Variants in TLE4 observed in about 807,000 individuals in gnomAD.
TLE4 encodes the protein transducin-like enhancer protein 4.
Under a neutral mutation model 92.8 loss-of-function variants are expected in TLE4, and 8 were observed. The ratio of observed to expected loss-of-function variants is 0.09; its 90% CI spans 0.05 to 0.16. The LOEUF (loss-of-function observed/expected upper bound fraction) is 0.16, where lower values mean the gene tolerates loss of function less well. Ranked by LOEUF, TLE4 falls within the 10% of genes least tolerant of loss-of-function variation. The pLI is 1.00. For missense variants in TLE4, 675 were observed against 997.6 expected (o/e 0.68, Z 4.36); for synonymous variants, 371 against 374.1 (o/e 0.99, Z 0.10).
intron 14 of TLE4, among the ~76,000 whole-genome samples, chr9:79,711,744 C>T (rs2073343537): frequency 6.6e-6 from 1 of 152,192 alleles, no homozygotes; most frequent in Non-Finnish European, 1.5e-5. Flanking sequence ...GACTTCCCTT[C>T]ATCAGTTTTA....
In TLE4 at chr9:79,645,492, T is replaced by C. The variant is rs539324733; in HGVS notation, c.391-7101T>C. On this transcript the variant is annotated intron_variant, in intron 6 of 19. Transcript: ENST00000376552. ...TTGTCAGTCCCTTGTCATCAAGCAG[T>C]TGGGGACCTTTGATTACAAAGAACT... Among the ~76,000 whole-genome samples the C allele has an allele frequency of 2.0e-5, 3 of 152,296 alleles. No homozygotes were observed. The East Asian group carries it at 5.8e-4, about 29-fold the overall frequency.
In TLE4 at chr9:79,704,827, G is replaced by A. The variant is rs765715825; in HGVS notation, c.654G>A (p.Lys218=). 63 of 1,614,150 alleles carry A rather than the reference G, an allele frequency of 3.9e-5. No individual in the cohort carries two copies. In the East Asian group the frequency reaches 1.2e-3, roughly 31 times the overall value. ...SPSASFRGAE[K]HRNSADYSSE... Reference sequence around the variant, plus strand: ...CAGCCAGTTTCCGAGGTGCTGAGAAGCACAGAAACTCCGCAGACTACTCCT... The same window carrying A: ...CAGCCAGTTTCCGAGGTGCTGAGAAACACAGAAACTCCGCAGACTACTCCT... The change falls in exon 9 of 20, where the codon AAG becomes AAA. Residue 218 remains lysine, a synonymous_variant. Coordinates refer to ENST00000376552, the MANE Select transcript of TLE4 (RefSeq NM_007005.6).
intron 14 of TLE4, 53 bp from the exon 15 acceptor site, chr9:79,718,664 CAGTTA>C: frequency 6.4e-7 from 1 of 1,552,358 alleles, no homozygotes; most frequent in Non-Finnish European, 8.7e-7. Flanking sequence ...TTACACTGAA[CAGTTA>C]AGTGACATTT....
Position 79,704,901 on chromosome 9 carries a change from A to G in TLE4, c.728A>G (p.Tyr243Cys), listed in dbSNP as rs750692088. The change falls in exon 9 of 20, where the codon TAT (tyrosine) becomes TGT (cysteine). Residue 243 changes from tyrosine to cysteine, a missense_variant and splice_region_variant. Transcript: ENST00000376552. ...GAAGAAAAGGAAATTGCAGCTCGTT[A>G]TGTAAGTTCATTCACCTTTGTGTTA... Reference protein sequence around the residue: ...KTEEKEIAARYDSDGEKSDDN... With the variant: ...KTEEKEIAARCDSDGEKSDDN... The G allele has an allele frequency of 3.1e-6, 5 of 1,614,088 alleles. No homozygotes were observed. The highest frequency in any genetic ancestry group is 3.4e-6 in the Non-Finnish European group (4 of 1,179,992).
At chr9:79,627,669 C>T in intron 6 of TLE4, 1 of 559,482 alleles carries the variant, frequency 1.8e-6, no homozygotes, top group Non-Finnish European at 3.2e-6. Context: ...TGAAAACTCT[C>T]CTCTAAGGAG....
At chr9:79,635,821 T>A (rs979007045) in intron 6 of TLE4, among the ~76,000 whole-genome samples, 1 of 152,184 alleles carries the variant, frequency 6.6e-6, no homozygotes, top group African/African-American at 2.4e-5. Flanking sequence ...GTTCTTCCTG[T>A]TCTTCCTTGC....
chr9:79,690,227 T>C (rs1008933135), intron 8 of TLE4, among the ~76,000 whole-genome samples: 5 of 152,176 alleles, frequency 3.3e-5, no homozygotes, highest in Admixed American at 6.5e-5. Context: ...GTAATGCTAA[T>C]TCTTCCCAAG....
intron 9 of TLE4, among the ~76,000 whole-genome samples, chr9:79,705,369 G>T (rs908328108): frequency 6.6e-6 from 1 of 152,200 alleles, no homozygotes; most frequent in African/African-American, 2.4e-5. Context: ...TCCTTTAGTG[G>T]CTGGGCAGGT....
intron 8 of TLE4, among the ~76,000 whole-genome samples, chr9:79,662,721 G>A (rs1294124956): frequency 6.6e-6 from 1 of 152,056 alleles, no homozygotes; most frequent in Admixed American, 6.6e-5. Flanking sequence ...TCCTATTAAG[G>A]GGCCCCGGGT....
At chr9:79,661,224 A>G in intron 8 of TLE4, among the ~76,000 whole-genome samples, 1 of 152,206 alleles carries the variant, frequency 6.6e-6, no homozygotes, top group Middle Eastern at 3.2e-3. Context: ...ATCGTTCACC[A>G]TCTTTTTTTT....
chr9:79,572,661 G>T lies in TLE4; in HGVS notation c.-130G>T, dbSNP rs2036116805. ...CCGTGTCACGCGAGACCCGGCGGGGGCCGGGACCGCCCGAGCCGCCCCTCA... is the reference window on the plus strand; with the variant it reads ...CCGTGTCACGCGAGACCCGGCGGGGTCCGGGACCGCCCGAGCCGCCCCTCA... On this transcript the variant is annotated 5_prime_UTR_variant, in exon 1 of 20. Transcript: ENST00000376552. The T allele has an allele frequency of 1.3e-6, 1 of 772,238 alleles. No individual in the cohort carries two copies. 47.8% of individuals were successfully genotyped at this position (772,238 alleles called of 1,614,324 possible).
chr9:79,682,460 C>G (rs1340129368), intron 8 of TLE4, among the ~76,000 whole-genome samples: 1 of 152,134 alleles, frequency 6.6e-6, no homozygotes, highest in Non-Finnish European at 1.5e-5. Flanking sequence ...TACCTTATCT[C>G]TAACTCTCAT....
At chr9:79,654,634 T>C (rs1273501202) in intron 8 of TLE4, among the ~76,000 whole-genome samples, 1 of 152,184 alleles carries the variant, frequency 6.6e-6, no homozygotes, top group Non-Finnish European at 1.5e-5. Flanking sequence ...ATCTGTCTTA[T>C]CTGCCTTTTG....
At chr9:79,592,069 G>A (rs139550695) in intron 4 of TLE4, among the ~76,000 whole-genome samples, 10 of 152,050 alleles carry the variant, frequency 6.6e-5, no homozygotes, top group Non-Finnish European at 1.0e-4. Context: ...ACTATTTGAC[G>A]TTTGTAGGAG....
chr9:79,663,321 A>C (rs2060851505), intron 8 of TLE4: 1 of 152,214 alleles, frequency 6.6e-6, no homozygotes, highest in African/African-American at 2.4e-5. Context: ...TGGTGTAGCC[A>C]CTAGTCACAT....
rs1042932675 is a variant in TLE4 at position 79,572,288 on chromosome 9, C to G, written c.-503C>G. 2.0e-5 allele frequency: 3 copies of G among 152,138 alleles called. No homozygotes were observed. The highest frequency in any genetic ancestry group is 1.3e-4 in the Admixed American group (2 of 15,276). The allele number at this position is 152,138 out of a possible 1,614,324, so 9.4% of individuals were successfully genotyped here. Reference sequence around the variant, plus strand: ...AGAAACCAAAAAGCACCGCCGAGACCTCTTCCGAACCAAAGGAGTTTGTGT... The same window carrying G: ...AGAAACCAAAAAGCACCGCCGAGACGTCTTCCGAACCAAAGGAGTTTGTGT... On this transcript the variant is annotated 5_prime_UTR_variant, in exon 1 of 20. Transcript: ENST00000376552.
intron 5 of TLE4, among the ~76,000 whole-genome samples, chr9:79,621,081 T>C (rs976377119): frequency 2.6e-5 from 4 of 152,214 alleles, no homozygotes; most frequent in African/African-American, 9.6e-5. Flanking sequence ...ATATGCAAAC[T>C]GTATCAGATT....
chr9:79,682,471 T>G (rs986087700), intron 8 of TLE4, among the ~76,000 whole-genome samples: 1 of 152,164 alleles, frequency 6.6e-6, no homozygotes, highest in African/African-American at 2.4e-5. Flanking sequence ...TAACTCTCAT[T>G]GAAAAGAGGC....
At chr9:79,627,530 C>A in intron 6 of TLE4, 82 bp downstream of exon 6, 1 of 1,398,596 alleles carries the variant, frequency 7.2e-7, no homozygotes, top group Non-Finnish European at 1.0e-6. Flanking sequence ...TTTGTTCCGC[C>A]AAAGGGGCAA....
Sources: gnomAD v4.1 joint callset for allele counts (sites outside exome capture counted in the v4.1 genomes callset) on GRCh38, gnomAD v4.1.1 for gene constraint, MANE v1.5 for transcripts, NCBI Gene and HGNC (gene_info 2026-07-23, HGNC 2026-07-21) for gene names.